Variants in ZNF667 observed in about 807,000 individuals in gnomAD.
ZNF667 encodes zinc finger protein 667.
In ZNF667, 13 loss-of-function variants were observed where a neutral mutation model predicts 31.8. The ratio of observed to expected loss-of-function variants is 0.41; its 90% CI spans 0.27 to 0.65. The LOEUF is 0.65. ZNF667 is among the 30% of genes least tolerant of loss of function. The pLI, the probability that ZNF667 is intolerant of heterozygous loss-of-function variation, is 0.32. For missense variants in ZNF667, 642 were observed against 725.6 expected (o/e 0.88, Z 1.32); for synonymous variants, 228 against 247.1 (o/e 0.92, Z 0.73).
Position 56,441,962 on chromosome 19 carries a change from G to C in ZNF667, c.1033C>G (p.Leu345Val). The C allele has an allele frequency of 6.2e-7, 1 of 1,614,060 alleles. No individual in the cohort carries two copies. The highest frequency in any genetic ancestry group is 8.5e-7 in the Non-Finnish European group (1 of 1,180,006). ...CGKLFNRISP[L>V]MLHQRIHTSE... ...GTGTGAATTCTCTGGTGAAGCATCA[G>C]GGGTGAAATCCTATTAAATAATTTC... The change falls in exon 7 of 7, where the codon CTG becomes GTG. Residue 345 changes from leucine (L) to valine (V), a missense_variant. By Grantham distance (32) the Leu-to-Val change is conservative (BLOSUM62 1). Transcript: ENST00000504904. This position sits in a 1 kb window ranked among gnomAD's most constrained non-coding sequence, Gnocchi z 4.2.
At chr19:56,455,663 A>C (rs2042916450) in intron 6 of ZNF667, among the ~76,000 whole-genome samples, 1 of 152,202 alleles carries the variant, frequency 6.6e-6, no homozygotes, top group Admixed American at 6.5e-5. Context: ...TGGGTACAAA[A>C]ATACAGTTAA....
intron 6 of ZNF667, chr19:56,444,159 C>T: frequency 2.5e-6 from 1 of 398,378 alleles, no homozygotes; most frequent in East Asian, 3.6e-5. Flanking sequence ...TCCTATATTG[C>T]TATAAATAAA....
At chr19:56,469,582 A>C (rs1415476211) in intron 3 of ZNF667, among the ~76,000 whole-genome samples, 2 of 152,172 alleles carry the variant, frequency 1.3e-5, no homozygotes, top group Non-Finnish European at 2.9e-5. Context: ...CCACAGCCCC[A>C]CCTCACTTCC....
intron 6 of ZNF667, among the ~76,000 whole-genome samples, chr19:56,457,001 C>T (rs1208828923): frequency 2.6e-5 from 4 of 152,146 alleles, no homozygotes; most frequent in East Asian, 1.9e-4. Flanking sequence ...AGAACCTGGA[C>T]GTCACCAAAG....
chr19:56,444,543 T>A (rs2042685816), intron 6 of ZNF667, among the ~76,000 whole-genome samples: 1 of 142,456 alleles, frequency 7.0e-6, no homozygotes, highest in Admixed American at 7.1e-5. Context: ...ACCCCCATGA[T>A]CCAATCACCT....
At chr19:56,461,624 C>T (rs1029107657) in intron 4 of ZNF667, among the ~76,000 whole-genome samples, 2 of 152,292 alleles carry the variant, frequency 1.3e-5, no homozygotes, top group Middle Eastern at 3.4e-3. Context: ...ATAATAAACA[C>T]GTGCTGTTTT....
chr19:56,458,277 C>A lies in ZNF667; in HGVS notation c.161-30G>T, dbSNP rs750671604. The stretch of plus-strand genomic sequence containing the variant: ...ACGTGGGACAAACATGGGAAATGAT[C>A]ATAAATGTGGGCACCACAGAAGTCA... On this transcript the variant is annotated intron_variant, in intron 5 of 6. Coordinates refer to ENST00000504904, the MANE Select transcript of ZNF667 (RefSeq NM_001321356.2). 12 of 1,601,942 alleles carry A rather than the reference C, an allele frequency of 7.5e-6. No homozygotes were observed. In the East Asian group the frequency reaches 2.2e-4, roughly 30 times the overall value.
chr19:56,473,560 C>T (rs2043338472), intron 2 of ZNF667, among the ~76,000 whole-genome samples: 1 of 152,128 alleles, frequency 6.6e-6, no homozygotes, highest in Admixed American at 6.5e-5. Flanking sequence ...GGTAATTTTG[C>T]CCCCTATGGG....
chr19:56,442,677 G>A lies in ZNF667; in HGVS notation c.318C>T (p.Ser106=). ...GTGCAGAAACTAGTTTCTGGCAGAT[G>A]CTTTGCCCAGATTTGTTGCATTGAT... ...PPNQCNKSGQ[S]ICQKLVSAQQ... The change falls in exon 7 of 7, where the codon AGC becomes AGT. Residue 106 remains serine (S), a synonymous_variant. Transcript: ENST00000504904. 1.2e-6 allele frequency: 2 copies of A among 1,612,006 alleles called. No individual in the cohort carries two copies. The highest frequency in any genetic ancestry group is 1.7e-6 in the Non-Finnish European group (2 of 1,179,676).
At chr19:56,462,019 A>G (rs140854168) in intron 4 of ZNF667, among the ~76,000 whole-genome samples, 144 of 152,356 alleles carry the variant, frequency 9.5e-4, no homozygotes, top group African/African-American at 3.1e-3. Context: ...GAGAAATCAC[A>G]GTGGCTCTCA....
intron 6 of ZNF667, among the ~76,000 whole-genome samples, chr19:56,457,637 A>G (rs1234824617): frequency 1.3e-5 from 2 of 152,226 alleles, no homozygotes; most frequent in African/African-American, 4.8e-5. Context: ...CTCATACTGA[A>G]GAGACTTGAA....
At chr19:56,444,069 TATATG>T in intron 6 of ZNF667, 1 of 393,904 alleles carries the variant, frequency 2.5e-6, no homozygotes, top group East Asian at 3.6e-5. Context: ...AAATGCTGGT[TATATG>T]ATATAATATG....
At chr19:56,443,490 C>T (rs550880094) in intron 6 of ZNF667, among the ~76,000 whole-genome samples, 1 of 152,198 alleles carries the variant, frequency 6.6e-6, no homozygotes, top group South Asian at 2.1e-4. Context: ...ATAGCCTGTT[C>T]CTAGGCTACA....
intron 3 of ZNF667, among the ~76,000 whole-genome samples, chr19:56,466,000 G>A (rs1489779108): frequency 6.6e-6 from 1 of 152,230 alleles, no homozygotes; most frequent in Non-Finnish European, 1.5e-5. Context: ...ACCAGAGAAT[G>A]CCGACGTAAC....
intron 6 of ZNF667, among the ~76,000 whole-genome samples, chr19:56,448,452 T>G (rs1394661447): frequency 6.6e-6 from 1 of 152,040 alleles, no homozygotes; most frequent in African/African-American, 2.4e-5. Flanking sequence ...TGTGCTTGGC[T>G]CAGAACCAGT....
At chr19:56,455,320 G>A (rs1461028523) in intron 6 of ZNF667, among the ~76,000 whole-genome samples, 10 of 151,976 alleles carry the variant, frequency 6.6e-5, no homozygotes, top group Admixed American at 1.3e-4. Flanking sequence ...CTACTGCTTG[G>A]TATATACCCC....
chr19:56,442,054 G>T lies in ZNF667; in HGVS notation c.941C>A (p.Ala314Asp). 6.2e-7 allele frequency: 1 copy of T among 1,614,060 alleles called. No homozygotes were observed. Among genetic ancestry groups the T allele is most frequent in the East Asian group, 2.2e-5 (1 of 44,860 alleles). The change falls in exon 7 of 7, where the codon GCC (alanine) becomes GAC (aspartate). Residue 314 changes from alanine to aspartate, a missense_variant. Transcript: ENST00000504904. ...TCTTTGCTGTAGACTCTGACTTAAG[G>T]CCTTCGCATTTTCAGGGATTTTCTC... ...AGEKIPENAKALSQSLQQRSH... is the reference protein window; with the variant it reads ...AGEKIPENAKDLSQSLQQRSH...
intron 5 of ZNF667, among the ~76,000 whole-genome samples, chr19:56,458,536 A>T (rs2042980609): frequency 1.3e-5 from 2 of 152,180 alleles, no homozygotes; most frequent in African/African-American, 2.4e-5. Context: ...CAGCCTTCAG[A>T]TGGGGGCTGG....
intron 3 of ZNF667, among the ~76,000 whole-genome samples, chr19:56,466,050 G>A (rs563062556): frequency 4.3e-4 from 66 of 152,276 alleles, no homozygotes; most frequent in Non-Finnish European, 8.2e-4. Flanking sequence ...GTCTCTAATG[G>A]GCATGCTGTG....
Sources: allele counts gnomAD v4.1 joint callset (sites outside exome capture counted in the v4.1 genomes callset), GRCh38; gene constraint gnomAD v4.1.1; non-coding constraint Gnocchi (gnomAD v3.1); transcripts MANE v1.5; gene names NCBI Gene and HGNC (gene_info 2026-07-23, HGNC 2026-07-21).